The following C8orf82 variants were observed in gnomAD, a reference collection of about 807,000 sequenced individuals.
C8orf82 encodes UPF0598 protein C8orf82.
C8orf82 carries 24 observed loss-of-function variants against 15.0 expected under a neutral mutation model. The ratio of observed to expected loss-of-function variants is 1.60; its 90% CI spans 1.16 to 2.24. C8orf82 has a LOEUF of 2.24. Among genes scored for constraint, C8orf82 ranks in the 30% most tolerant of loss-of-function variants. The pLI, the probability that C8orf82 is intolerant of heterozygous loss-of-function variation, is 0.00. For synonymous variants in C8orf82, 205 were observed against 152.2 expected (o/e 1.35, Z -2.55); for missense variants, 388 against 317.4 (o/e 1.22, Z -1.69).
Position 144,527,155 on chromosome 8 carries a change from G to A in C8orf82, c.*187C>T, listed in dbSNP as rs1460434041. On this transcript the variant is annotated 3_prime_UTR_variant, in exon 3 of 3. Transcript: ENST00000524821. ...GGGTGCGCGGGGGGCGCGCGCCGTGGGGAGCGGGGTGTCCGGGAGGGCCGG... is the reference window on the plus strand; with the variant it reads ...GGGTGCGCGGGGGGCGCGCGCCGTGAGGAGCGGGGTGTCCGGGAGGGCCGG... 3 of 276,204 alleles carry A rather than the reference G, an allele frequency of 1.1e-5. No homozygotes were observed. Among genetic ancestry groups the A allele is most frequent in the Non-Finnish European group, 1.8e-5 (3 of 163,486 alleles). 17.1% of individuals were successfully genotyped at this position (276,204 alleles called of 1,614,324 possible).
intron 1 of C8orf82, chr8:144,528,423 C>T (rs947788829): frequency 4.0e-6 from 6 of 1,488,350 alleles, no homozygotes; most frequent in Non-Finnish European, 5.4e-6. Context: ...GGCAGGGCGG[C>T]CCGGGTGTCT....
Position 144,528,012 on chromosome 8 carries a change from G to A in C8orf82, c.205+12C>T. On this transcript the variant is annotated intron_variant, in intron 2 of 2. Coordinates refer to ENST00000524821, the MANE Select transcript of C8orf82 (RefSeq NM_001001795.2). ...GAGAAAGAAGGGGCTGGAGAGGGAG[G>A]CACAGCATTACCTTTGAAGCAGGTG... The A allele has an allele frequency of 6.2e-7, 1 of 1,611,860 alleles. No homozygotes were observed. The highest frequency in any genetic ancestry group is 8.5e-7 in the Non-Finnish European group (1 of 1,179,232).
chr8:144,528,195 G>T (rs781412616), intron 1 of C8orf82, 123 bp from the exon 2 acceptor site: 2 of 1,518,758 alleles, frequency 1.3e-6, no homozygotes, highest in Middle Eastern at 1.8e-4. Flanking sequence ...GCTTGTCTGT[G>T]CACACCGCAT....
chr8:144,528,874 G>A lies in C8orf82; in HGVS notation c.43C>T (p.Arg15Trp), dbSNP rs770240798. Residue 15 changes from arginine (R) to tryptophan (W), a missense_variant, in exon 1 of 3, where the codon CGG becomes TGG. By Grantham distance (101) the Arg-to-Trp change is moderately radical. Coordinates refer to ENST00000524821, the MANE Select transcript of C8orf82 (RefSeq NM_001001795.2). The part of the protein sequence containing the change: ...CGTLRTLALA[R>W]SRGARACSGD... ...CTGCAGGCCCGGGCTCCCCGCGACCGCGCCAAGGCCAGGGTCCGGAGCGTC... is the reference window on the plus strand; with the variant it reads ...CTGCAGGCCCGGGCTCCCCGCGACCACGCCAAGGCCAGGGTCCGGAGCGTC... The A allele has an allele frequency of 1.3e-6, 2 of 1,518,562 alleles. No homozygotes were observed. Among genetic ancestry groups the A allele is most frequent in the Non-Finnish European group, 1.8e-6 (2 of 1,135,054 alleles). The allele number at this position is 1,518,562 out of a possible 1,614,324, so 94.1% of individuals were successfully genotyped here. A position where few individuals can be genotyped will look rare whatever the true frequency, so the allele number is the denominator to read the frequency against.
intron 1 of C8orf82, 172 bp from the exon 2 acceptor site, chr8:144,528,244 C>T (rs1466335507): frequency 1.5e-5 from 22 of 1,487,582 alleles, no homozygotes; most frequent in Non-Finnish European, 2.0e-5. Context: ...GGGGCCCCGC[C>T]GACTTATCCG....
rs1015480192 is a variant in C8orf82 at position 144,527,522 on chromosome 8, C to G, written c.471G>C (p.Pro157=). The stretch of plus-strand genomic sequence containing the variant: ...CCACGCCGCCCGCACGCTCCGGCGC[C>G]GGGTGGTACAGGCGCCCGTTGGCGG... ...PLAANGRLYH[P]APERAGGVGL... Residue 157 remains proline (P), a synonymous_variant, in exon 3 of 3, where the codon CCG becomes CCC. Transcript: ENST00000524821. 3.8e-5 allele frequency: 52 copies of G among 1,350,990 alleles called. No individual in the cohort carries two copies. Among genetic ancestry groups the G allele is most frequent in the Non-Finnish European group, 4.6e-5 (49 of 1,057,064 alleles). 83.7% of individuals were successfully genotyped at this position (1,350,990 alleles called of 1,614,324 possible).
Position 144,528,733 on chromosome 8 carries a change from C to T in C8orf82, c.156+28G>A, listed in dbSNP as rs751130996. 135 of 1,272,964 alleles carry T rather than the reference C, an allele frequency of 1.1e-4. No homozygotes were observed. The African/African-American group carries it at 2.0e-3, about 19-fold the overall frequency. The allele number at this position is 1,272,964 out of a possible 1,614,324, so 78.9% of individuals were successfully genotyped here. ...CCAGAGACCTCTCCCGGCCCCGCCT[C>T]TCGAGCAACGGCCCTGCCCCCGCCC... On this transcript the variant is annotated intron_variant, in intron 1 of 2. Transcript: ENST00000524821.
At position 144,528,777 on chromosome 8, in the gene C8orf82, A is replaced by G; in HGVS notation, c.140T>C (p.Val47Ala). The change falls in exon 1 of 3, where the codon GTG (valine) becomes GCG (alanine). Residue 47 changes from valine (V) to alanine (A), a missense_variant. Val to Ala is a moderately conservative substitution (Grantham distance 64). Coordinates refer to ENST00000524821, the MANE Select transcript of C8orf82 (RefSeq NM_001001795.2). ...CCCGCCCACCTGGCCCTGGTGGTCC[A>G]CGTAGTAGAAATACTCGCGGGTCCG... is the stretch of plus-strand genomic sequence containing the variant. The part of the protein sequence containing the change: ...EPRTREYFYY[V>A]DHQGQLFLDD... 2 of 1,306,182 alleles carry G rather than the reference A, an allele frequency of 1.5e-6. No individual in the cohort carries two copies. The highest frequency in any genetic ancestry group is 1.5e-5 in the South Asian group (1 of 66,742). The allele number at this position is 1,306,182 out of a possible 1,614,324, so 80.9% of individuals were successfully genotyped here.
chr8:144,527,647 G>A lies in C8orf82; in HGVS notation c.346C>T (p.His116Tyr). The change falls in exon 3 of 3, where the codon CAC (histidine) becomes TAC (tyrosine). Residue 116 changes from histidine (H) to tyrosine (Y), a missense_variant. By Grantham distance (83) the His-to-Tyr change is moderately conservative (BLOSUM62 2). Coordinates refer to ENST00000524821, the MANE Select transcript of C8orf82 (RefSeq NM_001001795.2). ...RCEDRPVVFT[H>Y]LLTADHGPPR... ...GGCCCGTGGTCCGCGGTCAGCAGGT[G>A]CGTGAAGACCACCGGCCGGTCCTCG... 1 of 1,544,806 alleles carries A rather than the reference G, an allele frequency of 6.5e-7. No individual in the cohort carries two copies. Among genetic ancestry groups the A allele is most frequent in the Non-Finnish European group, 8.7e-7 (1 of 1,152,226 alleles).
At chr8:144,528,111 G>T (rs1816449542) in intron 1 of C8orf82, 39 bp from the exon 2 acceptor site, 2 of 1,602,114 alleles carry the variant, frequency 1.2e-6, no homozygotes, top group Non-Finnish European at 1.7e-6. Flanking sequence ...GTCCCAGCGT[G>T]CAGGTGGGGG....
chr8:144,527,098 G>C lies in C8orf82; in HGVS notation c.*244C>G, dbSNP rs1203669137. The C allele has an allele frequency of 5.4e-6, 1 of 185,762 alleles. No homozygotes were observed. Among genetic ancestry groups the C allele is most frequent in the Admixed American group, 6.2e-5 (1 of 16,214 alleles). The allele number at this position is 185,762 out of a possible 1,614,324, so 11.5% of individuals were successfully genotyped here. A position where few individuals can be genotyped will look rare whatever the true frequency, so the allele number is the denominator to read the frequency against. On this transcript the variant is annotated 3_prime_UTR_variant, in exon 3 of 3. Transcript: ENST00000524821. ...GCCCGCCGCCAGTGCCTGACGTCTC[G>C]AGCGCAGGCCAATCCGGAGGGCGCC... is the stretch of plus-strand genomic sequence containing the variant.
In C8orf82 at chr8:144,528,977, C is replaced by T; in HGVS notation, c.-61G>A. On this transcript the variant is annotated 5_prime_UTR_variant, in exon 1 of 3. Coordinates refer to ENST00000524821, the MANE Select transcript of C8orf82 (RefSeq NM_001001795.2). The stretch of plus-strand genomic sequence containing the variant: ...CCGGGGGCGGTGCTGCGCGAACTCG[C>T]GCCTGCCCGCAGTAGCCCCGCGCTT... The T allele has an allele frequency of 7.0e-7, 1 of 1,433,892 alleles. No homozygotes were observed. The highest frequency in any genetic ancestry group is 9.1e-7 in the Non-Finnish European group (1 of 1,097,206). 88.8% of individuals were successfully genotyped at this position (1,433,892 alleles called of 1,614,324 possible).
In C8orf82 at chr8:144,528,011, G is replaced by A. The variant is rs1257310251; in HGVS notation, c.205+13C>T. 1 of 1,612,012 alleles carries A rather than the reference G, an allele frequency of 6.2e-7. No individual in the cohort carries two copies. The highest frequency in any genetic ancestry group is 8.5e-7 in the Non-Finnish European group (1 of 1,179,370). On this transcript the variant is annotated intron_variant, in intron 2 of 2. Transcript: ENST00000524821. ...GGAGAAAGAAGGGGCTGGAGAGGGA[G>A]GCACAGCATTACCTTTGAAGCAGGT...
rs1357619422 is a variant in C8orf82, at chr8:144,527,744, G to A, written c.249C>T (p.Asn83=). Residue 83 remains asparagine (N), a synonymous_variant, in exon 3 of 3, where the codon AAC becomes AAT. Coordinates refer to ENST00000524821, the MANE Select transcript of C8orf82 (RefSeq NM_001001795.2). ...LVTFFSRLRP[N]RSGRYEAAFP... ...AAGCGGCCTCGTAGCGCCCGCTGCG[G>A]TTGGGTCTCAGGCGGGAGAAGAAGG... is the stretch of plus-strand genomic sequence containing the variant. 5 of 1,594,384 alleles carry A rather than the reference G, an allele frequency of 3.1e-6. No homozygotes were observed. The highest frequency in any genetic ancestry group is 2.7e-5 in the African/African-American group (2 of 74,980).
chr8:144,528,709 C>CCCA, intron 1 of C8orf82, 52 bp downstream of exon 1: 6 of 803,862 alleles, frequency 7.5e-6, no homozygotes, highest in Non-Finnish European at 9.8e-6. Flanking sequence ...CCGCCCCGCC[C>CCCA]AGAGACCTCT....
rs762535157 is a variant in C8orf82 at position 144,527,891 on chromosome 8, C to T, written c.206-104G>A. On this transcript the variant is annotated intron_variant, in intron 2 of 2. Coordinates refer to ENST00000524821, the MANE Select transcript of C8orf82 (RefSeq NM_001001795.2). Reference sequence around the variant, plus strand: ...GCCGACGGTAAGAGGTTCGCCTGGCCTCACTCAGCGGGGCTCCTGAGCGCA... The same window carrying T: ...GCCGACGGTAAGAGGTTCGCCTGGCTTCACTCAGCGGGGCTCCTGAGCGCA... 2.0e-6 allele frequency: 3 copies of T among 1,518,264 alleles called. No individual in the cohort carries two copies. The East Asian group carries it at 6.8e-5, about 34-fold the overall frequency. The allele number at this position is 1,518,264 out of a possible 1,614,324, so 94.0% of individuals were successfully genotyped here. A position where few individuals can be genotyped will look rare whatever the true frequency, so the allele number is the denominator to read the frequency against.
rs748039901 is a variant in C8orf82 at position 144,528,792 on chromosome 8, TCGCGGGTC to T, written c.117_124del (p.Thr40ValfsTer15). ...CTGGTGGTCCACGTAGTAGAAATACTCGCGGGTCCGCGGCTCCGGACTCTGGCCCTGCG... is the reference window on the plus strand; with the variant it reads ...CTGGTGGTCCACGTAGTAGAAATACTCGCGGCTCCGGACTCTGGCCCTGCG... On this transcript the variant is annotated frameshift_variant, in exon 1 of 3. Coordinates refer to ENST00000524821, the MANE Select transcript of C8orf82 (RefSeq NM_001001795.2). LOFTEE classifies it high-confidence loss of function. 120 of 1,416,152 alleles carry T rather than the reference TCGCGGGTC, an allele frequency of 8.5e-5. No homozygotes were observed. The highest frequency in any genetic ancestry group is 9.7e-5 in the Non-Finnish European group (105 of 1,078,520). 87.7% of individuals were successfully genotyped at this position (1,416,152 alleles called of 1,614,324 possible).
Position 144,527,478 on chromosome 8 carries a change from A to T in C8orf82, c.515T>A (p.Leu172Gln), listed in dbSNP as rs932721829. The part of the protein sequence containing the change: ...AGGVGLVRSA[L>Q]AFELSACFEY... ...GAAGCAGGCGCTGAGCTCGAAGGCC[A>T]GGGCGGAGCGCACCAGGCCCACGCC... The change falls in exon 3 of 3, where the codon CTG becomes CAG. Residue 172 changes from leucine (L) to glutamine (Q), a missense_variant. Transcript: ENST00000524821. The T allele has an allele frequency of 1.6e-6, 2 of 1,251,612 alleles. No individual in the cohort carries two copies. The highest frequency in any genetic ancestry group is 2.0e-6 in the Non-Finnish European group (2 of 997,192). 77.5% of individuals were successfully genotyped at this position (1,251,612 alleles called of 1,614,324 possible).
chr8:144,529,064 CT>C lies in C8orf82; in HGVS notation c.-149del. On this transcript the variant is annotated 5_prime_UTR_variant, in exon 1 of 3. Transcript: ENST00000524821. The stretch of plus-strand genomic sequence containing the variant: ...CGGCGCTCTTCCCTCTCCCTCGGGC[CT>C]CGGGGGCTCGCCCGCCCTGGCCTTC... 2 of 770,088 alleles carry C rather than the reference CT, an allele frequency of 2.6e-6. No individual in the cohort carries two copies. The highest frequency in any genetic ancestry group is 3.7e-6 in the Non-Finnish European group (2 of 541,524). The allele number at this position is 770,088 out of a possible 1,614,324, so 47.7% of individuals were successfully genotyped here. A position where few individuals can be genotyped will look rare whatever the true frequency, so the allele number is the denominator to read the frequency against.
Sources: gnomAD v4.1 joint callset for allele counts on GRCh38, gnomAD v4.1.1 for gene constraint, MANE v1.5 for transcripts, NCBI Gene and HGNC (gene_info 2026-07-23, HGNC 2026-07-21) for gene names.